Variants in SRRM4 observed in about 807,000 individuals in gnomAD.
SRRM4 encodes serine/arginine repetitive matrix protein 4.
In SRRM4, 33 loss-of-function variants were observed where a neutral mutation model predicts 68.9. The observed-to-expected ratio is 0.48, with a 90% CI of 0.36 to 0.64. The LOEUF is 0.64. Ranked by LOEUF, SRRM4 falls within the 30% of genes least tolerant of loss-of-function variation. The pLI, the probability that SRRM4 is intolerant of heterozygous loss-of-function variation, is 0.00. For synonymous variants in SRRM4, 318 were observed against 318.8 expected, an observed-to-expected ratio of 1.00 and a Z score of 0.03; for missense variants, 817 against 827.1, an observed-to-expected ratio of 0.99 and a Z score of 0.15.
At chr12:119,120,429 G>T (rs1250102052) in intron 5 of SRRM4, among the ~76,000 whole-genome samples, 153 bp downstream of exon 5, 1 of 152,022 alleles carries the variant, frequency 6.6e-6, no homozygotes, top group Non-Finnish European at 1.5e-5. Context: ...TGAAGGTCTG[G>T]GCTGTTTTTT....
chr12:118,984,880 G>T (rs967049388), intron 1 of SRRM4, among the ~76,000 whole-genome samples: 3 of 152,160 alleles, frequency 2.0e-5, no homozygotes, highest in African/African-American at 7.2e-5. Flanking sequence ...TCCTGTCCTG[G>T]TTCTATCATT....
chr12:119,052,048 T>C (rs555933781), intron 1 of SRRM4, among the ~76,000 whole-genome samples: 3 of 152,244 alleles, frequency 2.0e-5, no homozygotes, highest in Non-Finnish European at 4.4e-5. Flanking sequence ...GGCTGGCATT[T>C]ATTTATCATT....
chr12:119,010,313 A>G (rs1042720765), intron 1 of SRRM4, among the ~76,000 whole-genome samples: 1 of 152,244 alleles, frequency 6.6e-6, no homozygotes, highest in Non-Finnish European at 1.5e-5. Context: ...TCAGCCTCCC[A>G]GAGTGCTGGG....
In SRRM4 at chr12:119,154,011, C is replaced by A. The variant is rs1954456230; in HGVS notation, c.1392-232C>A. ...CCTGCCCTGCTATGATGCCCACCTG[C>A]AAATGCTGACACCCCTGCACAAGCC... On this transcript the variant is annotated intron_variant, in intron 11 of 12. Coordinates refer to ENST00000267260, the MANE Select transcript of SRRM4 (RefSeq NM_194286.4). This position sits in a 1 kb window ranked among gnomAD's most constrained non-coding sequence, Gnocchi z 4.7. Among the ~76,000 whole-genome samples, 1 of 151,594 alleles carries A rather than the reference C, an allele frequency of 6.6e-6. No individual in the cohort carries two copies. Among genetic ancestry groups the A allele is most frequent in the African/African-American group, 2.4e-5 (1 of 41,176 alleles).
chr12:119,086,179 C>T (rs955629971), intron 1 of SRRM4, among the ~76,000 whole-genome samples: 2 of 152,158 alleles, frequency 1.3e-5, no homozygotes, highest in Non-Finnish European at 2.9e-5. Context: ...TTGAAAACAT[C>T]TGGGTCCAGG....
intron 10 of SRRM4, among the ~76,000 whole-genome samples, chr12:119,151,658 G>A (rs928840434): frequency 6.6e-6 from 1 of 152,126 alleles, no homozygotes; most frequent in Admixed American, 6.5e-5. Context: ...TGGTTCTTCT[G>A]ATCTCATTGG....
chr12:119,032,797 A>T (rs978824345), intron 1 of SRRM4, among the ~76,000 whole-genome samples: 6 of 152,278 alleles, frequency 3.9e-5, no homozygotes, highest in Non-Finnish European at 5.9e-5. Context: ...ACCATGTAAC[A>T]ATCCTTCAGA....
intron 1 of SRRM4, among the ~76,000 whole-genome samples, chr12:119,051,006 G>A (rs913687410): frequency 6.6e-6 from 1 of 152,144 alleles, no homozygotes; most frequent in Non-Finnish European, 1.5e-5. Flanking sequence ...AGGTTGCAGA[G>A]CCAGAACAGT....
At chr12:119,000,230 C>T (rs1364297519) in intron 1 of SRRM4, among the ~76,000 whole-genome samples, 1 of 152,180 alleles carries the variant, frequency 6.6e-6, no homozygotes, top group South Asian at 2.1e-4. Flanking sequence ...CCGGGCACAC[C>T]TCACACATCA....
At chr12:119,142,484 G>A (rs1954371201) in intron 8 of SRRM4, among the ~76,000 whole-genome samples, 1 of 152,174 alleles carries the variant, frequency 6.6e-6, no homozygotes, top group African/African-American at 2.4e-5. Context: ...CTAGCCCAGA[G>A]GGGCCTCACA....
intron 1 of SRRM4, among the ~76,000 whole-genome samples, chr12:119,026,946 A>G (rs1218377331): frequency 6.6e-6 from 1 of 152,190 alleles, no homozygotes; most frequent in Non-Finnish European, 1.5e-5. Context: ...CCATTCTCAC[A>G]CCTGCAAATG....
intron 1 of SRRM4, among the ~76,000 whole-genome samples, chr12:119,064,627 C>A (rs1429743484): frequency 6.6e-6 from 1 of 152,134 alleles, no homozygotes; most frequent in Non-Finnish European, 1.5e-5. Context: ...CCTCATTTTC[C>A]TCTTTTCAAA....
At chr12:119,151,411 A>G (rs1157738918) in intron 10 of SRRM4, among the ~76,000 whole-genome samples, 191 bp downstream of exon 10, 3 of 150,592 alleles carry the variant, frequency 2.0e-5, no homozygotes, top group African/African-American at 7.4e-5. Flanking sequence ...CCCATCTGCA[A>G]TATGAAGAAA....
chr12:119,049,379 A>G (rs969698136), intron 1 of SRRM4, among the ~76,000 whole-genome samples: 3 of 152,152 alleles, frequency 2.0e-5, no homozygotes, highest in Admixed American at 2.0e-4. Context: ...AGAGAAGAGG[A>G]AAGTGATAAA....
intron 1 of SRRM4, among the ~76,000 whole-genome samples, chr12:118,984,381 C>A (rs957122710): frequency 6.6e-6 from 1 of 152,172 alleles, no homozygotes; most frequent in Non-Finnish European, 1.5e-5. Context: ...TAGAGGCAAT[C>A]TGGGGACTTG....
At chr12:118,999,055 G>T (rs531805134) in intron 1 of SRRM4, among the ~76,000 whole-genome samples, 1 of 152,314 alleles carries the variant, frequency 6.6e-6, no homozygotes, top group South Asian at 2.1e-4. Context: ...TACTGGGTGG[G>T]ATCAGGAAGA....
chr12:119,058,696 T>G (rs2136020355), intron 1 of SRRM4, among the ~76,000 whole-genome samples: 1 of 152,322 alleles, frequency 6.6e-6, no homozygotes, highest in East Asian at 1.9e-4. Flanking sequence ...CCACTTCTTC[T>G]GATGCTTCCT....
chr12:119,087,937 A>G (rs1953989634), intron 1 of SRRM4, among the ~76,000 whole-genome samples: 1 of 152,100 alleles, frequency 6.6e-6, no homozygotes. Context: ...GACTCTTACA[A>G]TACCCACCTC....
intron 1 of SRRM4, among the ~76,000 whole-genome samples, chr12:119,005,159 TTC>T (rs1363478099): frequency 1.3e-5 from 2 of 152,202 alleles, no homozygotes; most frequent in African/African-American, 4.8e-5. Context: ...AACAGACTGC[TTC>T]TGGAGCTCTC....
Sources: gnomAD v4.1 joint callset for allele counts (sites outside exome capture counted in the v4.1 genomes callset) on GRCh38, gnomAD v4.1.1 for gene constraint, Gnocchi (gnomAD v3.1) non-coding constraint, MANE v1.5 for transcripts, NCBI Gene and HGNC (gene_info 2026-07-23, HGNC 2026-07-21) for gene names.